Variants in ABL1 observed in about 807,000 individuals in gnomAD.
The protein encoded by ABL1 is ABL proto-oncogene 1, non-receptor tyrosine kinase.
Under a neutral mutation model 94.7 loss-of-function variants are expected in ABL1, and 11 were observed. That is an observed-to-expected ratio of 0.12 (90% confidence interval 0.07 to 0.19). The LOEUF (loss-of-function observed/expected upper bound fraction) is 0.19, where lower values mean the gene tolerates loss of function less well. Ranked by LOEUF, ABL1 falls within the 10% of genes least tolerant of loss-of-function variation. The probability of loss-of-function intolerance (pLI) is 1.00; values close to 1 mark genes in which losing one functional copy is unlikely to be tolerated. For synonymous variants in ABL1, 656 were observed against 622.4 expected, an observed-to-expected ratio of 1.05 and a Z score of -0.80; for missense variants, 1,082 against 1,489.4, an observed-to-expected ratio of 0.73 and a Z score of 4.50.
intron 1 of ABL1, among the ~76,000 whole-genome samples, chr9:130,746,524 C>T (rs1831890312): frequency 6.6e-6 from 1 of 150,668 alleles, no homozygotes; most frequent in African/African-American, 2.4e-5. Context: ...GAAATGGAAG[C>T]ATCTAGTATG....
intron 1 of ABL1, among the ~76,000 whole-genome samples, chr9:130,821,419 C>A (rs1007099526): frequency 1.3e-5 from 2 of 151,908 alleles, no homozygotes; most frequent in Non-Finnish European, 2.9e-5. Flanking sequence ...TTTTTTTTCC[C>A]AGCATGTTTT....
chr9:130,728,769 A>G (rs555764854), intron 1 of ABL1, among the ~76,000 whole-genome samples: 3 of 151,782 alleles, frequency 2.0e-5, no homozygotes, highest in African/African-American at 7.3e-5. Context: ...TTTCCTCTAA[A>G]TCCTAGAAGG....
intron 1 of ABL1, among the ~76,000 whole-genome samples, chr9:130,770,498 A>G (rs1178202455): frequency 6.6e-6 from 1 of 152,160 alleles, no homozygotes; most frequent in Non-Finnish European, 1.5e-5. Context: ...CAGCATAAGC[A>G]CTTGTCTCCA....
intron 2 of ABL1, 122 bp downstream of exon 2, chr9:130,854,359 C>A: frequency 9.0e-7 from 1 of 1,114,228 alleles, no homozygotes; most frequent in Non-Finnish European, 1.3e-6. Flanking sequence ...CAGGGATATC[C>A]AAAACAACAA....
intron 1 of ABL1, among the ~76,000 whole-genome samples, chr9:130,853,010 G>A (rs1040593837): frequency 6.6e-6 from 1 of 152,046 alleles, no homozygotes; most frequent in Non-Finnish European, 1.5e-5. Context: ...GGCAGTGAAG[G>A]TGTGCGTCTG....
chr9:130,865,845 G>T (rs145406721), intron 4 of ABL1, among the ~76,000 whole-genome samples: 1 of 151,794 alleles, frequency 6.6e-6, no homozygotes, highest in East Asian at 1.9e-4. Flanking sequence ...TGTGTGCCTG[G>T]CAGAGACCTC....
At chr9:130,837,018 G>A (rs2132918883) in intron 1 of ABL1, among the ~76,000 whole-genome samples, 1 of 152,182 alleles carries the variant, frequency 6.6e-6, no homozygotes, top group East Asian at 1.9e-4. Flanking sequence ...AGTCACATAT[G>A]CAGATCGCAC....
At chr9:130,803,153 C>T (rs1830078776) in intron 1 of ABL1, among the ~76,000 whole-genome samples, 1 of 152,216 alleles carries the variant, frequency 6.6e-6, no homozygotes. Flanking sequence ...GATTCTCCTG[C>T]CTCAGCCTCC....
At position 130,885,148 on chromosome 9, in the gene ABL1, A is replaced by G. The variant is rs757466697; in HGVS notation, c.2858A>G (p.Glu953Gly). The change falls in exon 11 of 11, where the codon GAG becomes GGG. Residue 953 changes from glutamate (E) to glycine (G), a missense_variant. Transcript: ENST00000318560. ...GCTGCCAAGCCCAGCCAGCCGGGAG[A>G]GGGCCTCAAAAAGCCCGTGCTCCCG... ...SDAAKPSQPG[E>G]GLKKPVLPAT... 7.4e-6 allele frequency: 12 copies of G among 1,613,064 alleles called. No homozygotes were observed. Among genetic ancestry groups the G allele is most frequent in the Non-Finnish European group, 1.0e-5 (12 of 1,179,918 alleles).
rs74903416 is a variant in ABL1, at chr9:130,765,349, G to A, written c.136+50894G>A. Among the ~76,000 whole-genome samples, 300 of 152,284 alleles carry A rather than the reference G, an allele frequency of 2.0e-3. 2 individuals carry two copies. The highest frequency in any genetic ancestry group is 6.7e-3 in the African/African-American group (280 of 41,556). ...GGGTGCTGCTCCCCCACTTCAAAACGTGTAGCTAGCAGGATGGAAATCCTG... is the reference window on the plus strand; with the variant it reads ...GGGTGCTGCTCCCCCACTTCAAAACATGTAGCTAGCAGGATGGAAATCCTG... On this transcript the variant is annotated intron_variant, in intron 1 of 10. Transcript: ENST00000372348.
intron 3 of ABL1, among the ~76,000 whole-genome samples, chr9:130,859,782 G>T (rs1831039089): frequency 6.9e-6 from 1 of 145,256 alleles, no homozygotes; most frequent in Non-Finnish European, 1.5e-5. Context: ...CCAGGTTCGA[G>T]CGATTCTCCT....
intron 1 of ABL1, among the ~76,000 whole-genome samples, chr9:130,747,313 G>A (rs944083194): frequency 6.6e-6 from 1 of 152,018 alleles, no homozygotes; most frequent in African/African-American, 2.4e-5. Context: ...GGGAGGTGGC[G>A]GTTGCAGTGA....
chr9:130,780,055 G>A (rs893584841), intron 1 of ABL1, among the ~76,000 whole-genome samples: 6 of 152,182 alleles, frequency 3.9e-5, no homozygotes, highest in Non-Finnish European at 7.3e-5. Context: ...GGAGGCCGAG[G>A]TGGCTGGATC....
At chr9:130,838,222 C>T (rs1270482525) in intron 1 of ABL1, among the ~76,000 whole-genome samples, 4 of 152,286 alleles carry the variant, frequency 2.6e-5, no homozygotes, top group African/African-American at 9.6e-5. Flanking sequence ...AATTTGAACT[C>T]ATGCTATCTG....
At chr9:130,771,719 T>C (rs1326398660) in intron 1 of ABL1, among the ~76,000 whole-genome samples, 2 of 151,848 alleles carry the variant, frequency 1.3e-5, no homozygotes, top group East Asian at 3.9e-4. Flanking sequence ...ATAGTTTCCT[T>C]GGTCAAATGA....
At chr9:130,769,329 CTTTTTT>C (rs372838676) in intron 1 of ABL1, among the ~76,000 whole-genome samples, 44 of 84,292 alleles carry the variant, frequency 5.2e-4, no homozygotes, top group Non-Finnish European at 9.1e-4. Flanking sequence ...TGGCCCTAGT[CTTTTTT>C]TTTTTTTTTT....
chr9:130,805,564 G>A (rs1487027200), intron 1 of ABL1, among the ~76,000 whole-genome samples: 2 of 152,168 alleles, frequency 1.3e-5, no homozygotes, highest in Non-Finnish European at 2.9e-5. Flanking sequence ...CCCAAGAAAA[G>A]AGAAAAAGTA....
rs76912025 is a variant in ABL1 at position 130,858,596 on chromosome 9, G to C, written c.549+3500G>C. 1.3e-3 allele frequency among the ~76,000 whole-genome samples: 194 copies of C among 152,298 alleles called. 2 individuals carry two copies. The highest frequency in any genetic ancestry group is 4.6e-3 in the African/African-American group (190 of 41,554). On this transcript the variant is annotated intron_variant, in intron 3 of 10. Transcript: ENST00000318560. The stretch of plus-strand genomic sequence containing the variant: ...TGTATTGGGTGGGATCGTATCACTG[G>C]AATGAGTGAACATCGTTAGAGGGAG...
At chr9:130,844,876 T>C (rs1830739098) in intron 1 of ABL1, among the ~76,000 whole-genome samples, 1 of 152,214 alleles carries the variant, frequency 6.6e-6, no homozygotes, top group African/African-American at 2.4e-5. Flanking sequence ...CTCTGGTTTG[T>C]TACCTGTGTT....
Sources: allele counts gnomAD v4.1 joint callset (sites outside exome capture counted in the v4.1 genomes callset), GRCh38; gene constraint gnomAD v4.1.1; transcripts MANE v1.5; gene names NCBI Gene and HGNC (gene_info 2026-07-23, HGNC 2026-07-21).